SEC24A: variants seen among roughly 807,000 people sequenced by gnomAD.
SEC24A encodes protein transport protein Sec24A.
Under a neutral mutation model 129.4 loss-of-function variants are expected in SEC24A, and 93 were observed. That is an observed-to-expected ratio of 0.72 (90% confidence interval 0.61 to 0.85). The LOEUF (loss-of-function observed/expected upper bound fraction) is 0.85, where lower values mean the gene tolerates loss of function less well. SEC24A is among the 40% of genes least tolerant of loss of function. The probability of loss-of-function intolerance (pLI) is 0.00; values close to 1 mark genes in which losing one functional copy is unlikely to be tolerated. For synonymous variants in SEC24A, 460 were observed against 467.3 expected, an observed-to-expected ratio of 0.98 and a Z score of 0.20; for missense variants, 1,264 against 1,307.4, an observed-to-expected ratio of 0.97 and a Z score of 0.51.
At chr5:134,700,787 C>T (rs1425411609) in intron 15 of SEC24A, among the ~76,000 whole-genome samples, 1 of 151,594 alleles carries the variant, frequency 6.6e-6, no homozygotes, top group East Asian at 1.9e-4. Flanking sequence ...GGCACGATCT[C>T]CGCTCACTGC....
intron 13 of SEC24A, 45 bp downstream of exon 13, chr5:134,693,978 C>T (rs1313561542): frequency 1.3e-6 from 2 of 1,503,464 alleles, no homozygotes; most frequent in African/African-American, 2.8e-5. Flanking sequence ...GCTGGTGTTC[C>T]ATCCCTGTGA....
At chr5:134,711,322 TAAAAA>T (rs927062293) in intron 18 of SEC24A, among the ~76,000 whole-genome samples, 1 of 151,510 alleles carries the variant, frequency 6.6e-6, no homozygotes, top group Non-Finnish European at 1.5e-5. Context: ...TTTTTTTAAT[TAAAAA>T]AGAAACAACT....
Position 134,649,122 on chromosome 5 carries a change from C to A in SEC24A, c.46C>A (p.Leu16Ile), listed in dbSNP as rs1468891930. The change falls in exon 1 of 23, where the codon CTC becomes ATC. Residue 16 changes from leucine to isoleucine, a missense_variant. Leu to Ile is a conservative substitution (Grantham distance 5). Transcript: ENST00000398844. ...GGCCTCCGGCGGCGCCCCAGCCAGC[C>A]TCCAGGCCCAGAACGGAGCCGCCTT... ...IPASGGAPAS[L>I]QAQNGAALAS... 8 of 1,610,312 alleles carry A rather than the reference C, an allele frequency of 5.0e-6. No individual in the cohort carries two copies. The highest frequency in any genetic ancestry group is 6.8e-6 in the Non-Finnish European group (8 of 1,178,504).
At chr5:134,659,087 A>AT (rs772507176) in intron 1 of SEC24A, among the ~76,000 whole-genome samples, 104 of 150,434 alleles carry the variant, frequency 6.9e-4, no homozygotes, top group Middle Eastern at 3.4e-3. Context: ...TTATTTATTT[A>AT]TTGAGATGGA....
At chr5:134,702,148 A>G (rs1339474883) in intron 15 of SEC24A, among the ~76,000 whole-genome samples, 1 of 152,092 alleles carries the variant, frequency 6.6e-6, no homozygotes, top group Non-Finnish European at 1.5e-5. Flanking sequence ...GTACAGACAC[A>G]CATTCTCCTT....
At chr5:134,686,085 C>T (rs1751440907) in intron 9 of SEC24A, among the ~76,000 whole-genome samples, 1 of 152,028 alleles carries the variant, frequency 6.6e-6, no homozygotes, top group Admixed American at 6.6e-5. Flanking sequence ...ACTTTCAGAG[C>T]TATAATTTCC....
chr5:134,653,964 G>C (rs576782610), intron 1 of SEC24A, among the ~76,000 whole-genome samples: 35 of 152,064 alleles, frequency 2.3e-4, no homozygotes, highest in African/African-American at 8.2e-4. Flanking sequence ...TCAGACCAGG[G>C]TAGGCAACAT....
intron 2 of SEC24A, among the ~76,000 whole-genome samples, chr5:134,664,834 T>G (rs371020156): frequency 9.7e-5 from 13 of 134,622 alleles, no homozygotes; most frequent in African/African-American, 3.3e-4. Context: ...AGCCTTACTC[T>G]GTCGCCCAGG....
chr5:134,721,181 CAA>C, intron 21 of SEC24A, 91 bp downstream of exon 21: 1 of 743,186 alleles, frequency 1.3e-6, no homozygotes, highest in African/African-American at 1.8e-5. Context: ...AAAATAATAA[CAA>C]AATCATACCA....
chr5:134,701,891 T>A (rs892394689), intron 15 of SEC24A, among the ~76,000 whole-genome samples: 1 of 152,148 alleles, frequency 6.6e-6, no homozygotes, highest in African/African-American at 2.4e-5. Flanking sequence ...TATGATAAAT[T>A]CACTACAGAT....
At chr5:134,696,919 C>T (rs1345424644) in intron 13 of SEC24A, among the ~76,000 whole-genome samples, 2 of 151,966 alleles carry the variant, frequency 1.3e-5, no homozygotes, top group Non-Finnish European at 2.9e-5. Flanking sequence ...TGAGCCACCA[C>T]ACCTGGCTGG....
In SEC24A at chr5:134,699,342, A is replaced by G. The variant is rs936786860; in HGVS notation, c.2266+1285A>G. 2.7e-5 allele frequency among the ~76,000 whole-genome samples: 4 copies of G among 145,812 alleles called. No individual in the cohort carries two copies. The Admixed American group carries it at 2.8e-4, about 10-fold the overall frequency. On this transcript the variant is annotated intron_variant, in intron 15 of 22. Coordinates refer to ENST00000398844, the MANE Select transcript of SEC24A (RefSeq NM_021982.3). Reference sequence around the variant, plus strand: ...GACGGACTGTCTCGCTCTGTCGTCCAGGCTGGAGTGCAGTGGCACGATCTC... The same window carrying G: ...GACGGACTGTCTCGCTCTGTCGTCCGGGCTGGAGTGCAGTGGCACGATCTC...
At chr5:134,649,385 C>G (rs1749971456) in intron 1 of SEC24A, 6 of 440,080 alleles carry the variant, frequency 1.4e-5, no homozygotes, top group Non-Finnish European at 4.1e-6. Flanking sequence ...AGTCGGTCAC[C>G]AAAACAGTAA....
chr5:134,693,052 G>C, intron 12 of SEC24A: 1 of 1,536,018 alleles, frequency 6.5e-7, no homozygotes, highest in Non-Finnish European at 8.7e-7. Context: ...GGTCAGTTCA[G>C]AAGAAACTCT....
At chr5:134,711,642 G>A (rs1431559266) in intron 18 of SEC24A, among the ~76,000 whole-genome samples, 6 of 142,496 alleles carry the variant, frequency 4.2e-5, no homozygotes, top group East Asian at 2.1e-4. Context: ...GGCTCACTAC[G>A]ACCTCAGCCT....
chr5:134,661,725 T>C lies in SEC24A; in HGVS notation c.565+139T>C, dbSNP rs189505359. Reference sequence around the variant, plus strand: ...TTATTAGTAGTTTTTTGTTGTTTTTTGTTTTTCGGCTTTCCAGCAAAAACC... The same window carrying C: ...TTATTAGTAGTTTTTTGTTGTTTTTCGTTTTTCGGCTTTCCAGCAAAAACC... On this transcript the variant is annotated intron_variant, in intron 2 of 22. Coordinates refer to ENST00000398844, the MANE Select transcript of SEC24A (RefSeq NM_021982.3). 1.3e-3 allele frequency: 1,028 copies of C among 775,600 alleles called. 4 individuals carry two copies. Among genetic ancestry groups the C allele is most frequent in the Non-Finnish European group, 1.7e-3 (849 of 500,012 alleles). 48.0% of individuals were successfully genotyped at this position (775,600 alleles called of 1,614,324 possible). A position where few individuals can be genotyped will look rare whatever the true frequency, so the allele number is the denominator to read the frequency against.
At chr5:134,694,485 A>C (rs923246955) in intron 13 of SEC24A, among the ~76,000 whole-genome samples, 7 of 151,936 alleles carry the variant, frequency 4.6e-5, no homozygotes, top group African/African-American at 1.7e-4. Flanking sequence ...ATCTCTACTA[A>C]AAATATAAAA....
chr5:134,678,712 G>C (rs1442612825), intron 7 of SEC24A, among the ~76,000 whole-genome samples: 1 of 151,984 alleles, frequency 6.6e-6, no homozygotes, highest in Non-Finnish European at 1.5e-5. Flanking sequence ...CTCCTGAGTA[G>C]CTGGGATTAT....
chr5:134,685,516 T>C (rs60957415), intron 9 of SEC24A, among the ~76,000 whole-genome samples: 56,464 of 151,950 alleles, frequency 0.37, 11,626 homozygotes, highest in East Asian at 0.68. Context: ...AATAATACAC[T>C]ATTGTATGTA....
Sources: gnomAD v4.1 joint callset for allele counts (sites outside exome capture counted in the v4.1 genomes callset) on GRCh38, gnomAD v4.1.1 for gene constraint, MANE v1.5 for transcripts, NCBI Gene and HGNC (gene_info 2026-07-23, HGNC 2026-07-21) for gene names.